The following PTPRN2 variants were observed in gnomAD, a reference collection of about 807,000 sequenced individuals.
The protein encoded by PTPRN2 is protein tyrosine phosphatase receptor type N2, also known as receptor-type tyrosine-protein phosphatase N2.
A neutral mutation model predicts 118.8 loss-of-function variants in PTPRN2; 74 were observed. The observed-to-expected ratio is 0.62, with a 90% confidence interval of 0.52 to 0.76. The LOEUF is 0.76. Among genes scored for constraint, PTPRN2 ranks in the 30% least tolerant of loss-of-function variants. PTPRN2 has a pLI of 0.00. For synonymous variants in PTPRN2, 641 were observed against 608.0 expected (o/e 1.05, Z -0.80); for missense variants, 1,481 against 1,394.4 (o/e 1.06, Z -0.99).
chr7:158,098,304 G>T lies in PTPRN2; in HGVS notation c.1643+12525C>A, dbSNP rs76642817. ...AAAGGATCCTGCGGGTGAGGCCACC[G>T]GGGGGGCTCCCTGGGGAGGAGGTGG... On this transcript the variant is annotated intron_variant, in intron 10 of 22. Transcript: ENST00000389418. 7.6e-3 allele frequency among the ~76,000 whole-genome samples: 1,151 copies of T among 152,064 alleles called. 21 individuals are homozygous for T. Among genetic ancestry groups the T allele is most frequent in the African/African-American group, 0.026 (1,076 of 41,408 alleles).
In PTPRN2 at chr7:158,284,659, G is replaced by A. The variant is rs115563436; in HGVS notation, c.277+32160C>T. Among the ~76,000 whole-genome samples, 148 of 152,158 alleles carry A rather than the reference G, an allele frequency of 9.7e-4. 1 individual carries two copies. The highest frequency in any genetic ancestry group is 3.4e-3 in the African/African-American group (142 of 41,516). On this transcript the variant is annotated intron_variant, in intron 3 of 22. Coordinates refer to ENST00000389418, the MANE Select transcript of PTPRN2 (RefSeq NM_002847.5). Reference sequence around the variant, plus strand: ...CTCCATAGTTTGGCGTACGGACTCCGCTTATTCCTGACCCTCCCTGCCATC... The same window carrying A: ...CTCCATAGTTTGGCGTACGGACTCCACTTATTCCTGACCCTCCCTGCCATC...
chr7:158,337,061 T>A (rs1258861374), intron 2 of PTPRN2, among the ~76,000 whole-genome samples: 1 of 136,240 alleles, frequency 7.3e-6, no homozygotes, highest in African/African-American at 2.7e-5. Flanking sequence ...ACTGTCACCA[T>A]AAGAGCTGAC....
chr7:157,626,777 T>C (rs1177062625), intron 14 of PTPRN2, among the ~76,000 whole-genome samples: 3 of 152,240 alleles, frequency 2.0e-5, no homozygotes, highest in African/African-American at 7.2e-5. Context: ...ATATTATAGG[T>C]AAACATTTTA....
intron 5 of PTPRN2, among the ~76,000 whole-genome samples, chr7:158,168,432 G>A (rs2150598383): frequency 2.0e-5 from 3 of 152,264 alleles, no homozygotes; most frequent in Middle Eastern, 6.8e-3. Context: ...CATCTTCTCT[G>A]AAGAAATGTC....
chr7:157,586,738 C>T (rs1447517090), intron 17 of PTPRN2, among the ~76,000 whole-genome samples: 1 of 152,166 alleles, frequency 6.6e-6, no homozygotes, highest in East Asian at 1.9e-4. Context: ...CTGGGTCTGT[C>T]CTGGATGCTC....
intron 2 of PTPRN2, among the ~76,000 whole-genome samples, chr7:158,436,261 T>C (rs182190976): frequency 1.3e-4 from 20 of 152,242 alleles, no homozygotes; most frequent in African/African-American, 4.8e-4. Flanking sequence ...CTGGTTTCCA[T>C]GTGGGTTTAC....
At chr7:157,847,861 C>A (rs1255939982) in intron 12 of PTPRN2, among the ~76,000 whole-genome samples, 2 of 150,844 alleles carry the variant, frequency 1.3e-5, no homozygotes, top group African/African-American at 4.9e-5. Context: ...GTCTACAGAG[C>A]CCTCTCTCAT....
rs61757813 is a variant in PTPRN2 at position 157,540,717 on chromosome 7, C to A, written c.3045G>T (p.Gln1015His). ...EVNAILKALPQ is the reference protein window; with the variant it reads ...EVNAILKALPH ...CTGAGGCCCCTGAGGCTGCCGCTCA[C>A]TGGGGAAGGGCCTTGAGGATGGCGT... Residue 1015 changes from glutamine (Q) to histidine (H), a missense_variant, in exon 23 of 23, where the codon CAG becomes CAT. By Grantham distance (24) the Gln-to-His change is conservative. Transcript: ENST00000389418. 14,914 of 1,561,220 alleles carry A rather than the reference C, an allele frequency of 9.6e-3. 93 individuals are homozygous for A. The highest frequency in any genetic ancestry group is 0.012 in the Non-Finnish European group (13,460 of 1,151,802).
chr7:158,320,094 CACAT>C (rs541560978), intron 2 of PTPRN2, among the ~76,000 whole-genome samples: 21,036 of 68,220 alleles, frequency 0.31, 5,971 homozygotes, highest in Non-Finnish European at 0.35. Context: ...CACACACACT[CACAT>C]AGTCTCCCTC....
At chr7:158,382,564 C>A (rs1383842982) in intron 2 of PTPRN2, among the ~76,000 whole-genome samples, 2 of 152,180 alleles carry the variant, frequency 1.3e-5, no homozygotes, top group Non-Finnish European at 2.9e-5. Flanking sequence ...AAGAACCAGG[C>A]CACACAGCAG....
intron 3 of PTPRN2, among the ~76,000 whole-genome samples, chr7:158,223,271 A>G (rs1012708874): frequency 2.6e-5 from 4 of 152,230 alleles, no homozygotes; most frequent in African/African-American, 9.6e-5. Context: ...AACAAATTCC[A>G]TAAATATCTT....
intron 6 of PTPRN2, among the ~76,000 whole-genome samples, chr7:158,160,719 G>A (rs1822283053): frequency 6.6e-6 from 1 of 152,174 alleles, no homozygotes; most frequent in South Asian, 2.1e-4. Context: ...TTACCAAGCA[G>A]AGGGACATGC....
intron 11 of PTPRN2, among the ~76,000 whole-genome samples, chr7:158,071,567 C>T (rs1175577841): frequency 1.5e-3 from 12 of 7,788 alleles, no homozygotes; most frequent in East Asian, 0.029. Flanking sequence ...TGGAGGTGCT[C>T]CTGGTGGAGG....
rs1164039498 is a variant in PTPRN2, at chr7:158,440,868, GGT to G, written c.163+48865_163+48866del. On this transcript the variant is annotated intron_variant, in intron 2 of 22. Transcript: ENST00000389418. ...TGACGGGGGTGGTGGTGGGGGCAGTGGTATTGGTGGTGGTGGTGAAGGTGGTG... is the reference window on the plus strand; with the variant it reads ...TGACGGGGGTGGTGGTGGGGGCAGTGATTGGTGGTGGTGGTGAAGGTGGTG... 2.0e-4 allele frequency among the ~76,000 whole-genome samples: 26 copies of G among 132,820 alleles called. 1 individual carries two copies. The highest frequency in any genetic ancestry group is 5.8e-4 in the Admixed American group (7 of 12,152). The allele number at this position is 132,820 out of a possible 152,430, so 87.1% of individuals were successfully genotyped here. A position where few individuals can be genotyped will look rare whatever the true frequency, so the allele number is the denominator to read the frequency against.
At chr7:157,545,011 G>C (rs562057008) in intron 22 of PTPRN2, among the ~76,000 whole-genome samples, 1 of 150,468 alleles carries the variant, frequency 6.6e-6, no homozygotes. Flanking sequence ...GTCCATGACT[G>C]TGTGTGGGTG....
intron 11 of PTPRN2, among the ~76,000 whole-genome samples, chr7:158,026,786 A>G (rs1389289300): frequency 6.6e-6 from 1 of 152,106 alleles, no homozygotes; most frequent in Admixed American, 6.5e-5. Flanking sequence ...AGTGCCCTCC[A>G]CGTATACCGT....
chr7:157,882,132 T>C (rs965396776), intron 12 of PTPRN2, among the ~76,000 whole-genome samples: 2 of 150,930 alleles, frequency 1.3e-5, no homozygotes, highest in Non-Finnish European at 3.0e-5. Context: ...ACCCCAAAAA[T>C]GACTGTCGAA....
chr7:158,432,342 C>A (rs2129429797), intron 2 of PTPRN2, among the ~76,000 whole-genome samples: 1 of 152,348 alleles, frequency 6.6e-6, no homozygotes, highest in African/African-American at 2.4e-5. Flanking sequence ...ACCTCTCAAG[C>A]TAGGGCTGAC....
At chr7:157,843,766 C>G (rs777661717) in intron 12 of PTPRN2, among the ~76,000 whole-genome samples, 2 of 152,222 alleles carry the variant, frequency 1.3e-5, no homozygotes, top group African/African-American at 4.8e-5. Context: ...CTCGCAGTTT[C>G]GAAGGAAACC....
Sources: gnomAD v4.1 joint callset for allele counts (sites outside exome capture counted in the v4.1 genomes callset) on GRCh38, gnomAD v4.1.1 for gene constraint, MANE v1.5 for transcripts, NCBI Gene and HGNC (gene_info 2026-07-23, HGNC 2026-07-21) for gene names.